Variants in INTS8 observed in about 807,000 individuals in gnomAD.
INTS8 encodes the protein protein kaonashi-1.
INTS8 carries 47 observed loss-of-function variants against 138.9 expected under a neutral mutation model. The observed-to-expected ratio is 0.34, with a 90% confidence interval of 0.27 to 0.43. INTS8 has a LOEUF of 0.43. INTS8 is among the 20% of genes least tolerant of loss of function. INTS8 has a pLI of 1.00. For missense variants in INTS8, 996 were observed against 1,173.0 expected, an observed-to-expected ratio of 0.85 and a Z score of 2.20; for synonymous variants, 392 against 400.9, an observed-to-expected ratio of 0.98 and a Z score of 0.27.
chr8:94,876,377 G>A, intron 25 of INTS8, 69 bp from the exon 26 acceptor site: 1 of 1,421,328 alleles, frequency 7.0e-7, no homozygotes, highest in South Asian at 1.2e-5. Context: ...AATCAAAACT[G>A]AAAATGAGTT....
chr8:94,856,139 A>G (rs1349834974), intron 14 of INTS8, among the ~76,000 whole-genome samples: 1 of 152,240 alleles, frequency 6.6e-6, no homozygotes, highest in East Asian at 1.9e-4. Context: ...AGGGCAATAC[A>G]TAGCACTGAG....
intron 5 of INTS8, among the ~76,000 whole-genome samples, chr8:94,831,772 G>A (rs1430151845): frequency 1.3e-5 from 2 of 152,154 alleles, no homozygotes; most frequent in African/African-American, 4.8e-5. Flanking sequence ...GAGCCACCAT[G>A]CCTGGCCCTC....
chr8:94,854,369 C>T (rs1000513016), intron 14 of INTS8, among the ~76,000 whole-genome samples: 1 of 151,980 alleles, frequency 6.6e-6, no homozygotes, highest in Non-Finnish European at 1.5e-5. Flanking sequence ...TTTGCTTTAC[C>T]GTTATAATTA....
At chr8:94,869,042 G>T (rs1332879764) in intron 20 of INTS8, among the ~76,000 whole-genome samples, 1 of 151,014 alleles carries the variant, frequency 6.6e-6, no homozygotes, top group Non-Finnish European at 1.5e-5. Flanking sequence ...GAGTGCAGTG[G>T]CGCAATCTCG....
At chr8:94,876,035 T>G in intron 23 of INTS8, 39 bp from the exon 24 acceptor site, 1 of 1,346,050 alleles carries the variant, frequency 7.4e-7, no homozygotes, top group Admixed American at 1.7e-5. Context: ...AACCAAGCTT[T>G]CATTACATGA....
At chr8:94,865,221 A>G (rs1476595451) in intron 16 of INTS8, among the ~76,000 whole-genome samples, 1 of 152,020 alleles carries the variant, frequency 6.6e-6, no homozygotes, top group Non-Finnish European at 1.5e-5. Context: ...CACTTAATAA[A>G]TCACCTATCT....
At chr8:94,874,659 A>G (rs1051340871) in intron 23 of INTS8, 57 bp downstream of exon 23, 1 of 995,586 alleles carries the variant, frequency 1.0e-6, no homozygotes, top group Admixed American at 2.0e-5. Context: ...AGTTTATAAT[A>G]AATATAAAGC....
intron 21 of INTS8, among the ~76,000 whole-genome samples, chr8:94,872,422 C>T (rs1365330419): frequency 1.3e-5 from 2 of 152,110 alleles, no homozygotes; most frequent in East Asian, 1.9e-4. Flanking sequence ...TTAGTAGATA[C>T]GGGTTTTCGC....
At chr8:94,876,608 C>G in intron 26 of INTS8, 119 bp downstream of exon 26, 1 of 580,140 alleles carries the variant, frequency 1.7e-6, no homozygotes, top group Non-Finnish European at 3.0e-6. Flanking sequence ...ATTTTATTAT[C>G]AGTGTTTACT....
At chr8:94,876,770 A>G (rs899388791) in intron 26 of INTS8, 8 of 289,584 alleles carry the variant, frequency 2.8e-5, no homozygotes, top group Admixed American at 1.5e-4. Context: ...TTATAAGGCT[A>G]TATACAACTT....
chr8:94,880,894 T>C lies in INTS8; in HGVS notation c.*660T>C. 2.5e-6 allele frequency: 1 copy of C among 398,788 alleles called. No individual in the cohort carries two copies. The highest frequency in any genetic ancestry group is 3.6e-5 in the East Asian group (1 of 28,004). The allele number at this position is 398,788 out of a possible 1,614,324, so 24.7% of individuals were successfully genotyped here. ...AAAGGTTATTACCAAGCAACCTACA[T>C]GTCAAGAAAGCCCCAGTTAGGAAGG... On this transcript the variant is annotated 3_prime_UTR_variant, in exon 27 of 27. Transcript: ENST00000523731.
chr8:94,851,791 T>A, intron 13 of INTS8, 105 bp downstream of exon 13: 1 of 868,652 alleles, frequency 1.2e-6, no homozygotes, highest in Non-Finnish European at 1.7e-6. Flanking sequence ...ACCTCTTACT[T>A]AACAGTTTTA....
chr8:94,880,395 GA>G lies in INTS8; in HGVS notation c.*162del. The G allele has an allele frequency of 2.1e-6, 1 of 475,206 alleles. No individual in the cohort carries two copies. Among genetic ancestry groups the G allele is most frequent in the South Asian group, 3.7e-5 (1 of 26,938 alleles). The allele number at this position is 475,206 out of a possible 1,614,324, so 29.4% of individuals were successfully genotyped here. ...TAGTTTAAAAACAAACTATACAGAA[GA>G]CTTCATACCGTAACAATAAATGTAT... On this transcript the variant is annotated 3_prime_UTR_variant, in exon 27 of 27. Transcript: ENST00000523731.
chr8:94,832,170 G>T lies in INTS8; in HGVS notation c.749G>T (p.Cys250Phe). The change falls in exon 6 of 27, where the codon TGC becomes TTC. Residue 250 changes from cysteine (C) to phenylalanine (F), a missense_variant. Cys to Phe is a radical substitution (Grantham distance 205). Transcript: ENST00000523731. ...GLKVKTEEMQ[C>F]QVCYDLGAAY... ...AAAGTCAAAACCGAAGAAATGCAGT[G>T]CCAGGTATTCATTTGATACTTAATT... 6.2e-7 allele frequency: 1 copy of T among 1,610,112 alleles called. No homozygotes were observed. Among genetic ancestry groups the T allele is most frequent in the East Asian group, 2.2e-5 (1 of 44,828 alleles).
rs1310220693 is a variant in INTS8 at position 94,856,848 on chromosome 8, T to C, written c.1824T>C (p.Arg608=). Reference sequence around the variant, plus strand: ...TAACAGAGTTCTCACCGAAGCTTCGTCAGGTCATGCTGAATGAGATGTTGC... The same window carrying C: ...TAACAGAGTTCTCACCGAAGCTTCGCCAGGTCATGCTGAATGAGATGTTGC... ...ELVTEFSPKL[R]QVMLNEMLLL... The change falls in exon 15 of 27, where the codon CGT becomes CGC. Residue 608 remains arginine (R), a synonymous_variant. Coordinates refer to ENST00000523731, the MANE Select transcript of INTS8 (RefSeq NM_017864.4). 1 of 1,613,950 alleles carries C rather than the reference T, an allele frequency of 6.2e-7. No homozygotes were observed. Among genetic ancestry groups the C allele is most frequent in the African/African-American group, 1.3e-5 (1 of 74,886 alleles).
In INTS8 at chr8:94,827,335, G is replaced by T. The variant is rs1322678140; in HGVS notation, c.378G>T (p.Lys126Asn). Residue 126 changes from lysine to asparagine, a missense_variant, in exon 3 of 27, where the codon AAG becomes AAT. By Grantham distance (94) the Lys-to-Asn change is moderately conservative. Coordinates refer to ENST00000523731, the MANE Select transcript of INTS8 (RefSeq NM_017864.4). ...TCAGTAAAGTTCCTCCTGGGACAAA[G>T]CATGTAGACATGGATCTGGCCACTT... ...LCISKVPPGT[K>N]HVDMDLATLP... 9.9e-6 allele frequency: 16 copies of T among 1,613,666 alleles called. No homozygotes were observed. Among genetic ancestry groups the T allele is most frequent in the Non-Finnish European group, 1.4e-5 (16 of 1,179,638 alleles).
intron 9 of INTS8, 52 bp from the exon 10 acceptor site, chr8:94,842,295 C>A: frequency 7.9e-7 from 1 of 1,272,384 alleles, no homozygotes; most frequent in South Asian, 1.4e-5. Flanking sequence ...TAATATACAC[C>A]TTTCTTTTGT....
chr8:94,843,093 GCTTT>G (rs1292983649), intron 10 of INTS8, among the ~76,000 whole-genome samples: 3 of 151,996 alleles, frequency 2.0e-5, no homozygotes, highest in Admixed American at 6.6e-5. Flanking sequence ...TAATTTTCTT[GCTTT>G]CTTTTATATT....
intron 12 of INTS8, among the ~76,000 whole-genome samples, chr8:94,850,364 G>T (rs141539366): frequency 5.2e-4 from 79 of 152,298 alleles, no homozygotes; most frequent in African/African-American, 1.8e-3. Context: ...TGTAATCCCA[G>T]CACTTTGGGA....
Sources: allele counts gnomAD v4.1 joint callset (sites outside exome capture counted in the v4.1 genomes callset), GRCh38; gene constraint gnomAD v4.1.1; transcripts MANE v1.5; gene names NCBI Gene and HGNC (gene_info 2026-07-23, HGNC 2026-07-21).